Variants in ATAD1 observed in about 807,000 individuals in gnomAD.
ATAD1 encodes the protein outer mitochondrial transmembrane helix translocase.
Under a neutral mutation model 42.7 loss-of-function variants are expected in ATAD1, and 18 were observed. The observed-to-expected ratio is 0.42, with a 90% CI of 0.29 to 0.63. The LOEUF (loss-of-function observed/expected upper bound fraction) is 0.63. Among genes scored for constraint, ATAD1 ranks in the 20% least tolerant of loss-of-function variants. The pLI, the probability that ATAD1 is intolerant of heterozygous loss-of-function variation, is 0.19. For synonymous variants in ATAD1, 132 were observed against 143.1 expected, an observed-to-expected ratio of 0.92 and a Z score of 0.55; for missense variants, 294 against 440.4, an observed-to-expected ratio of 0.67 and a Z score of 2.98.
intron 5 of ATAD1, among the ~76,000 whole-genome samples, chr10:87,780,523 A>G (rs1186703621): frequency 1.3e-5 from 2 of 152,168 alleles, no homozygotes; most frequent in East Asian, 3.9e-4. Flanking sequence ...TGGGGGGCAT[A>G]TGGGAACTCT....
At chr10:87,774,211 CAAAT>C (rs1855184257) in intron 6 of ATAD1, among the ~76,000 whole-genome samples, 1 of 152,144 alleles carries the variant, frequency 6.6e-6, no homozygotes, top group Non-Finnish European at 1.5e-5. Context: ...TTAAAAGACT[CAAAT>C]AAATTAATCT....
intron 5 of ATAD1, among the ~76,000 whole-genome samples, chr10:87,780,736 C>T (rs1372644697): frequency 6.6e-6 from 1 of 152,178 alleles, no homozygotes; most frequent in Non-Finnish European, 1.5e-5. Context: ...TGTTTGTATA[C>T]ACAGCAGGTA....
At chr10:87,772,064 A>G (rs1229849043) in intron 6 of ATAD1, among the ~76,000 whole-genome samples, 1 of 152,214 alleles carries the variant, frequency 6.6e-6, no homozygotes. Context: ...TAACTGTGAG[A>G]GTTTGCCACC....
At chr10:87,760,670 A>C (rs987590766) in intron 8 of ATAD1, among the ~76,000 whole-genome samples, 1 of 152,176 alleles carries the variant, frequency 6.6e-6, no homozygotes, top group Non-Finnish European at 1.5e-5. Flanking sequence ...TCAAGGCTGC[A>C]GTGAGCTAGG....
chr10:87,765,482 AG>A (rs893447838), intron 8 of ATAD1, among the ~76,000 whole-genome samples: 1 of 93,756 alleles, frequency 1.1e-5, no homozygotes, highest in Non-Finnish European at 2.0e-5. Flanking sequence ...CAGAAGCCAT[AG>A]GGGGGGTGGG....
chr10:87,763,375 T>C (rs1286693394), intron 8 of ATAD1, among the ~76,000 whole-genome samples: 3 of 152,202 alleles, frequency 2.0e-5, no homozygotes, highest in Non-Finnish European at 4.4e-5. Flanking sequence ...TTTAAGGCAA[T>C]AGGTCAAGAA....
chr10:87,828,241 G>A lies in ATAD1; in HGVS notation c.-14+12946C>T, dbSNP rs578196725. Among the ~76,000 whole-genome samples, 8 of 152,138 alleles carry A rather than the reference G, an allele frequency of 5.3e-5. No homozygotes were observed. The East Asian group carries it at 1.5e-3, about 29-fold the overall frequency. On this transcript the variant is annotated intron_variant, in intron 1 of 4. Transcript: ENST00000495903. ...GCCTCCCAAAATGTTGGAATTACACGCATCAGCAACTGTGTCTGGCCTAGA... is the reference window on the plus strand; with the variant it reads ...GCCTCCCAAAATGTTGGAATTACACACATCAGCAACTGTGTCTGGCCTAGA...
upstream of ATAD1, chr10:87,819,263 C>CAAAAAAAAAAAAAAAAAAAAAAAAAAAAA (rs57941047): frequency 3.7e-5 from 2 of 53,726 alleles, no homozygotes; most frequent in African/African-American, 7.3e-5. Context: ...ATCGTCTCTA[C>CAAAAAAAAAAAAAAAAAAAAAAAAAAAAA]AAAAAAAAAA....
At chr10:87,765,691 A>C (rs1269618158) in intron 8 of ATAD1, among the ~76,000 whole-genome samples, 2 of 152,180 alleles carry the variant, frequency 1.3e-5, no homozygotes, top group African/African-American at 4.8e-5. Context: ...TAAACATACA[A>C]TATTCATTCC....
chr10:87,808,032 T>C (rs565588006), intron 2 of ATAD1, among the ~76,000 whole-genome samples: 70 of 152,354 alleles, frequency 4.6e-4, no homozygotes, highest in African/African-American at 1.6e-3. Context: ...ATATTTTTGA[T>C]GCTACTATAT....
At chr10:87,841,122 A>G (rs1858026377) in intron 1 of ATAD1, 1 of 152,008 alleles carries the variant, frequency 6.6e-6, no homozygotes, top group Non-Finnish European at 1.5e-5. Flanking sequence ...GCTAAGATGT[A>G]GTTAGGAGTT....
At chr10:87,767,573 G>T in intron 8 of ATAD1, 100 bp downstream of exon 8, 2 of 1,098,944 alleles carry the variant, frequency 1.8e-6, no homozygotes, top group South Asian at 1.3e-5. Flanking sequence ...GGAGATCCTT[G>T]GGGTATATCA....
intron 2 of ATAD1, among the ~76,000 whole-genome samples, chr10:87,807,237 T>C (rs1423019358): frequency 6.6e-6 from 1 of 152,192 alleles, no homozygotes; most frequent in African/African-American, 2.4e-5. Flanking sequence ...TCAGATTGGT[T>C]CCTGCTTTTT....
At chr10:87,810,592 T>TA (rs1857135273) in intron 2 of ATAD1, among the ~76,000 whole-genome samples, 1 of 152,214 alleles carries the variant, frequency 6.6e-6, no homozygotes, top group South Asian at 2.1e-4. Context: ...ATCATTTATG[T>TA]AGCAAACATT....
chr10:87,811,685 T>C (rs960049486), intron 2 of ATAD1, among the ~76,000 whole-genome samples: 3 of 150,692 alleles, frequency 2.0e-5, no homozygotes, highest in Admixed American at 2.0e-4. Context: ...CTACAAATGA[T>C]ATCTACACAT....
At chr10:87,770,891 G>T in intron 7 of ATAD1, 61 bp downstream of exon 7, 1 of 1,438,582 alleles carries the variant, frequency 7.0e-7, no homozygotes, top group South Asian at 1.2e-5. Context: ...TAAAATTAAA[G>T]GTGAAGACCT....
chr10:87,797,576 G>A (rs186496732), intron 2 of ATAD1, among the ~76,000 whole-genome samples: 1 of 152,304 alleles, frequency 6.6e-6, no homozygotes, highest in Non-Finnish European at 1.5e-5. Context: ...CATGGGCAGA[G>A]TCTTCTTAAG....
At chr10:87,838,974 T>C (rs1857980247) in intron 1 of ATAD1, among the ~76,000 whole-genome samples, 1 of 152,196 alleles carries the variant, frequency 6.6e-6, no homozygotes, top group Admixed American at 6.5e-5. Context: ...CATGAAAAAA[T>C]TCTTGGCACT....
chr10:87,818,020 G>C, intron 1 of ATAD1, 147 bp downstream of exon 1: 1 of 985,802 alleles, frequency 1.0e-6, no homozygotes. Flanking sequence ...GGGCTGCGGG[G>C]CGCTTGGGGG....
Sources: allele counts gnomAD v4.1 joint callset (sites outside exome capture counted in the v4.1 genomes callset), GRCh38; gene constraint gnomAD v4.1.1; transcripts MANE v1.5; gene names NCBI Gene and HGNC (gene_info 2026-07-23, HGNC 2026-07-21).